The following FARS2 variants were observed in gnomAD, a reference collection of about 807,000 sequenced individuals.
FARS2 encodes the protein phenylalanyl-tRNA synthetase 2, mitochondrial, also known as phenylalanine--tRNA ligase, mitochondrial.
In FARS2, 40 loss-of-function variants were observed where a neutral mutation model predicts 46.4. The ratio of observed to expected loss-of-function variants is 0.86; its 90% CI spans 0.67 to 1.12. FARS2 has a LOEUF of 1.12. Ranked by LOEUF, FARS2 falls within the 50% of genes most tolerant of loss-of-function variation. The pLI is 0.00. For synonymous variants in FARS2, 234 were observed against 214.9 expected (o/e 1.09, Z -0.78); for missense variants, 513 against 567.9 (o/e 0.90, Z 0.98).
intron 6 of FARS2, among the ~76,000 whole-genome samples, chr6:5,752,881 C>G (rs765559044): frequency 6.6e-6 from 1 of 152,070 alleles, no homozygotes; most frequent in African/African-American, 2.4e-5. Flanking sequence ...CAAGACCCCC[C>G]CCAGGTCTCT....
At chr6:5,576,232 G>A (rs1201613899) in intron 5 of FARS2, among the ~76,000 whole-genome samples, 2 of 152,120 alleles carry the variant, frequency 1.3e-5, no homozygotes, top group African/African-American at 4.8e-5. Flanking sequence ...TGAGGGTGTT[G>A]CCAAAGGAGA....
intron 6 of FARS2, among the ~76,000 whole-genome samples, chr6:5,641,032 G>A (rs1776790166): frequency 1.3e-5 from 2 of 152,204 alleles, no homozygotes; most frequent in Admixed American, 1.3e-4. Flanking sequence ...AAGCCTCCCA[G>A]TGCAGGCTGG....
At chr6:5,662,567 C>G (rs972732148) in intron 6 of FARS2, among the ~76,000 whole-genome samples, 2 of 152,178 alleles carry the variant, frequency 1.3e-5, no homozygotes, top group Admixed American at 1.3e-4. Flanking sequence ...GCTGGCTTCA[C>G]CGTTTGAACT....
intron 6 of FARS2, among the ~76,000 whole-genome samples, chr6:5,668,819 G>T (rs550616440): frequency 2.7e-5 from 4 of 149,950 alleles, no homozygotes; most frequent in Admixed American, 6.7e-5. Context: ...TCAGCTTCCC[G>T]AGGAGCTGAG....
intron 6 of FARS2, among the ~76,000 whole-genome samples, chr6:5,717,349 A>G (rs1326139552): frequency 5.5e-5 from 5 of 91,158 alleles, no homozygotes; most frequent in Non-Finnish European, 8.8e-5. Flanking sequence ...ATAGATATGT[A>G]TATGTGTGTG....
intron 4 of FARS2, among the ~76,000 whole-genome samples, chr6:5,432,104 G>T (rs1010210328): frequency 6.7e-6 from 1 of 149,666 alleles, no homozygotes; most frequent in African/African-American, 2.4e-5. Flanking sequence ...GATCACCTGG[G>T]GTCAGAAGTT....
the FARS2 span, among the ~76,000 whole-genome samples, chr6:5,252,129 G>C: frequency 1.3e-5 from 2 of 152,206 alleles, no homozygotes; most frequent in African/African-American, 4.8e-5. Flanking sequence ...AAACTAGGGA[G>C]CCTGTTTAAC....
At chr6:5,726,109 G>A (rs1284821496) in intron 6 of FARS2, among the ~76,000 whole-genome samples, 1 of 152,100 alleles carries the variant, frequency 6.6e-6, no homozygotes, top group Non-Finnish European at 1.5e-5. Flanking sequence ...TCCTCAAAAC[G>A]GCACCTGCAC....
At chr6:5,684,751 C>A (rs1757058886) in intron 6 of FARS2, among the ~76,000 whole-genome samples, 1 of 152,136 alleles carries the variant, frequency 6.6e-6, no homozygotes, top group African/African-American at 2.4e-5. Context: ...GTTGAAAGGA[C>A]AATTTAGGGA....
intron 1 of FARS2, among the ~76,000 whole-genome samples, chr6:5,365,200 A>T (rs1758572845): frequency 6.6e-6 from 1 of 151,772 alleles, no homozygotes; most frequent in African/African-American, 2.4e-5. Flanking sequence ...TTATTTATGT[A>T]TTTAAAAACA....
chr6:5,714,785 G>A (rs930942893), intron 6 of FARS2, among the ~76,000 whole-genome samples: 17 of 152,102 alleles, frequency 1.1e-4, no homozygotes, highest in African/African-American at 3.6e-4. Flanking sequence ...AGCACTTTGG[G>A]AGGCCGAGGT....
chr6:5,583,504 C>T (rs1385086790), intron 5 of FARS2, among the ~76,000 whole-genome samples: 1 of 152,204 alleles, frequency 6.6e-6, no homozygotes, highest in Non-Finnish European at 1.5e-5. Context: ...CTGCCATTTA[C>T]ATTACTAATA....
intron 4 of FARS2, among the ~76,000 whole-genome samples, chr6:5,536,090 C>T (rs536977446): frequency 3.7e-5 from 5 of 136,622 alleles, no homozygotes; most frequent in South Asian, 4.5e-4. Context: ...CTCACTCTGT[C>T]GCCCAGGCTG....
intron 6 of FARS2, among the ~76,000 whole-genome samples, chr6:5,674,719 G>A (rs1778669036): frequency 6.6e-6 from 1 of 152,062 alleles, no homozygotes; most frequent in Non-Finnish European, 1.5e-5. Context: ...TTCTCACATA[G>A]GAATGCCTAT....
At chr6:5,428,389 T>G (rs1293774361) in intron 3 of FARS2, among the ~76,000 whole-genome samples, 1 of 152,186 alleles carries the variant, frequency 6.6e-6, no homozygotes, top group Non-Finnish European at 1.5e-5. Flanking sequence ...TTAGGTAATG[T>G]TTAATTACAT....
intron 4 of FARS2, among the ~76,000 whole-genome samples, chr6:5,442,293 G>A (rs953742829): frequency 1.3e-5 from 2 of 151,434 alleles, no homozygotes; most frequent in Non-Finnish European, 2.9e-5. Flanking sequence ...CATTTATATC[G>A]GTTACTAATC....
chr6:5,695,022 A>T lies in FARS2; in HGVS notation c.1218-76269A>T, dbSNP rs549921668. 5 of 152,300 alleles carry T rather than the reference A, an allele frequency of 3.3e-5. No homozygotes were observed. In the East Asian group the frequency reaches 9.7e-4, roughly 29 times the overall value. The allele number at this position is 152,300 out of a possible 1,614,324, so 9.4% of individuals were successfully genotyped here. A position where few individuals can be genotyped will look rare whatever the true frequency, so the allele number is the denominator to read the frequency against. The stretch of plus-strand genomic sequence containing the variant: ...AAGACCCCATCTCTAAAAGAAAAAA[A>T]CAGATATATATAAATGCCATGTAAG... On this transcript the variant is annotated intron_variant, in intron 6 of 6. Coordinates refer to ENST00000274680, the MANE Select transcript of FARS2 (RefSeq NM_006567.5).
At chr6:5,388,948 T>C (rs1170786866) in intron 2 of FARS2, among the ~76,000 whole-genome samples, 2 of 152,310 alleles carry the variant, frequency 1.3e-5, no homozygotes, top group South Asian at 2.1e-4. Flanking sequence ...CAGAATTATT[T>C]AGCAGGTATC....
At chr6:5,563,146 T>C (rs559273334) in intron 5 of FARS2, among the ~76,000 whole-genome samples, 1 of 152,158 alleles carries the variant, frequency 6.6e-6, no homozygotes, top group South Asian at 2.1e-4. Flanking sequence ...CAGCCAGGTA[T>C]ATATGCAGAG....
Sources: gnomAD v4.1 joint callset for allele counts (sites outside exome capture counted in the v4.1 genomes callset) on GRCh38, gnomAD v4.1.1 for gene constraint, MANE v1.5 for transcripts, NCBI Gene and HGNC (gene_info 2026-07-23, HGNC 2026-07-21) for gene names.